WDR59: variants seen among roughly 807,000 people sequenced by gnomAD.
WDR59 encodes WD repeat domain 59.
WDR59 carries 100 observed loss-of-function variants against 131.2 expected under a neutral mutation model. The ratio of observed to expected loss-of-function variants is 0.76; its 90% CI spans 0.65 to 0.90. The LOEUF (loss-of-function observed/expected upper bound fraction) is 0.90. Ranked by LOEUF, WDR59 falls within the 40% of genes least tolerant of loss-of-function variation. The probability of loss-of-function intolerance (pLI) is 0.00; values close to 1 mark genes in which losing one functional copy is unlikely to be tolerated. For synonymous variants in WDR59, 601 were observed against 466.2 expected (o/e 1.29, Z -3.72); for missense variants, 1,203 against 1,262.2 (o/e 0.95, Z 0.71).
At chr16:74,903,822 A>C (rs1157406412) in intron 18 of WDR59, 125 bp downstream of exon 18, 32 of 1,246,984 alleles carry the variant, frequency 2.6e-5, no homozygotes, top group Non-Finnish European at 3.4e-5. Context: ...TTTCTTGAAC[A>C]AACTGATTAC....
intron 1 of WDR59, among the ~76,000 whole-genome samples, chr16:74,966,531 T>C (rs1008262444): frequency 1.3e-5 from 2 of 151,988 alleles, no homozygotes; most frequent in South Asian, 2.1e-4. Flanking sequence ...CTGGAGCCCA[T>C]GGGGAGGCTG....
intron 4 of WDR59, 58 bp from the exon 5 acceptor site, chr16:74,949,856 C>G: frequency 1.3e-6 from 2 of 1,507,014 alleles, no homozygotes; most frequent in Non-Finnish European, 1.8e-6. Context: ...AGTCCAGGTC[C>G]AAAGCACTAG....
intron 25 of WDR59, among the ~76,000 whole-genome samples, chr16:74,884,489 T>C (rs988281841): frequency 6.6e-6 from 1 of 152,186 alleles, no homozygotes; most frequent in Non-Finnish European, 1.5e-5. Context: ...GCTGGGATTA[T>C]AGGTGTGCAC....
At position 74,873,391 on chromosome 16, in the gene WDR59, T is replaced by A. The variant is rs1178155031; in HGVS notation, c.*818A>T. ...CTGCACGGCAATCTTGTCCTCCTTT[T>A]GCTAGAAGAAATAAGACTCTTGGGG... is the stretch of plus-strand genomic sequence containing the variant. On this transcript the variant is annotated 3_prime_UTR_variant, in exon 26 of 26. Transcript: ENST00000262144. 2 of 152,208 alleles carry A rather than the reference T, an allele frequency of 1.3e-5. No homozygotes were observed. Among genetic ancestry groups the A allele is most frequent in the East Asian group, 3.8e-4 (2 of 5,196 alleles). The allele number at this position is 152,208 out of a possible 1,614,324, so 9.4% of individuals were successfully genotyped here.
At chr16:74,941,652 A>G (rs564146014) in intron 7 of WDR59, among the ~76,000 whole-genome samples, 1 of 151,082 alleles carries the variant, frequency 6.6e-6, no homozygotes, top group South Asian at 2.1e-4. Flanking sequence ...CAAGGTCCCC[A>G]CTGTACTCCA....
chr16:74,979,761 G>A (rs1012924600), intron 1 of WDR59, among the ~76,000 whole-genome samples: 7 of 146,866 alleles, frequency 4.8e-5, no homozygotes, highest in Admixed American at 2.8e-4. Flanking sequence ...GGCTGGTCTC[G>A]AACTCCCAAC....
At chr16:74,930,114 A>C (rs889926925) in intron 8 of WDR59, among the ~76,000 whole-genome samples, 5 of 152,208 alleles carry the variant, frequency 3.3e-5, no homozygotes, top group African/African-American at 1.2e-4. Context: ...AGAATGAAAA[A>C]GAGCCAGTAT....
chr16:74,883,826 C>T (rs530064708), intron 25 of WDR59, among the ~76,000 whole-genome samples: 1 of 152,302 alleles, frequency 6.6e-6, no homozygotes, highest in South Asian at 2.1e-4. Flanking sequence ...GCTGGAATGC[C>T]ATCCACATGC....
intron 11 of WDR59, among the ~76,000 whole-genome samples, chr16:74,917,491 T>C (rs1305312093): frequency 6.6e-6 from 1 of 152,172 alleles, no homozygotes; most frequent in Non-Finnish European, 1.5e-5. Context: ...CACCAGCTAC[T>C]CAGCCAACCA....
intron 8 of WDR59, among the ~76,000 whole-genome samples, chr16:74,933,812 T>TC (rs1376271343): frequency 6.6e-6 from 1 of 152,242 alleles, no homozygotes. Context: ...CACGAACTTC[T>TC]GACCTCAGGC....
At chr16:74,911,100 G>T (rs1003095070) in intron 14 of WDR59, among the ~76,000 whole-genome samples, 4 of 152,160 alleles carry the variant, frequency 2.6e-5, no homozygotes, top group Non-Finnish European at 5.9e-5. Context: ...CTGACCTCAG[G>T]TGATCCACCC....
intron 13 of WDR59, among the ~76,000 whole-genome samples, chr16:74,913,435 T>C (rs949605919): frequency 9.5e-5 from 14 of 147,656 alleles, no homozygotes; most frequent in African/African-American, 3.7e-4. Context: ...AATCTTTGTT[T>C]TGTTGTTGTT....
chr16:74,942,389 C>T (rs1302642795), intron 7 of WDR59, among the ~76,000 whole-genome samples: 2 of 152,078 alleles, frequency 1.3e-5, no homozygotes, highest in Admixed American at 1.3e-4. Flanking sequence ...TAGAATAGCG[C>T]CTGGGCTCCA....
intron 6 of WDR59, among the ~76,000 whole-genome samples, chr16:74,944,805 G>C (rs2032492025): frequency 6.6e-6 from 1 of 151,500 alleles, no homozygotes; most frequent in Non-Finnish European, 1.5e-5. Context: ...ATCTATAACA[G>C]AAAAAAAAGC....
intron 8 of WDR59, 69 bp from the exon 9 acceptor site, chr16:74,924,072 G>T: frequency 6.8e-7 from 1 of 1,464,272 alleles, no homozygotes; most frequent in Non-Finnish European, 9.4e-7. Context: ...AATAAGCACA[G>T]CCTTTGAACT....
chr16:74,911,376 CA>C (rs1251853124), intron 14 of WDR59, among the ~76,000 whole-genome samples: 2 of 152,218 alleles, frequency 1.3e-5, no homozygotes, highest in Non-Finnish European at 2.9e-5. Context: ...ATACCCCCAA[CA>C]AGGTGGAACA....
intron 8 of WDR59, among the ~76,000 whole-genome samples, chr16:74,934,540 T>C (rs1397756486): frequency 6.6e-6 from 1 of 152,178 alleles, no homozygotes; most frequent in Admixed American, 6.6e-5. Context: ...ATACAGGTAG[T>C]TATTATAAAT....
chr16:74,928,699 C>T (rs1025689010), intron 8 of WDR59, among the ~76,000 whole-genome samples: 7 of 151,936 alleles, frequency 4.6e-5, no homozygotes, highest in Non-Finnish European at 1.0e-4. Context: ...GTCAGGAGTT[C>T]GAGACCAGCC....
rs1294282445 is a variant in WDR59, at chr16:74,904,013, G to A, written c.1800C>T (p.Tyr600=). The A allele has an allele frequency of 1.9e-6, 3 of 1,612,070 alleles. No individual in the cohort carries two copies. The highest frequency in any genetic ancestry group is 2.5e-6 in the Non-Finnish European group (3 of 1,179,434). Residue 600 remains tyrosine, a synonymous_variant, in exon 18 of 26, where the codon TAC becomes TAT. Coordinates refer to ENST00000262144, the MANE Select transcript of WDR59 (RefSeq NM_030581.4). ...RTEAPGNLRL[Y]SGSPTRSEKE... ...TCTCGCTGCGAGTGGGGCTCCCACT[G>A]TATAAACGAAGGTTCCCAGGGGCCT...
Sources: gnomAD v4.1 joint callset for allele counts (sites outside exome capture counted in the v4.1 genomes callset) on GRCh38, gnomAD v4.1.1 for gene constraint, MANE v1.5 for transcripts, NCBI Gene and HGNC (gene_info 2026-07-23, HGNC 2026-07-21) for gene names.